GABRA4: variants seen among roughly 807,000 people sequenced by gnomAD.
GABRA4 encodes gamma-aminobutyric acid type A receptor subunit alpha4.
A neutral mutation model predicts 49.7 loss-of-function variants in GABRA4; 12 were observed. The ratio of observed to expected loss-of-function variants is 0.24; its 90% CI spans 0.15 to 0.39. The LOEUF is 0.39. Among genes scored for constraint, GABRA4 ranks in the 10% least tolerant of loss-of-function variants. GABRA4 has a pLI of 1.00. For missense variants in GABRA4, 506 were observed against 686.0 expected (o/e 0.74, Z 2.93); for synonymous variants, 288 against 240.2 (o/e 1.20, Z -1.84).
At chr4:46,959,469 T>C (rs181155098) in intron 8 of GABRA4, among the ~76,000 whole-genome samples, 2 of 152,062 alleles carry the variant, frequency 1.3e-5, no homozygotes, top group Non-Finnish European at 2.9e-5. Flanking sequence ...ACAACCAAAT[T>C]TGATCTTCTT....
At chr4:46,941,646 T>G (rs1225660928) in intron 8 of GABRA4, among the ~76,000 whole-genome samples, 1 of 152,156 alleles carries the variant, frequency 6.6e-6, no homozygotes, top group Admixed American at 6.6e-5. Flanking sequence ...CCGAACTAAA[T>G]GATAATAGTG....
intron 8 of GABRA4, among the ~76,000 whole-genome samples, chr4:46,940,745 CA>C (rs1304412699): frequency 6.6e-6 from 1 of 151,716 alleles, no homozygotes; most frequent in African/African-American, 2.4e-5. Flanking sequence ...CAACACCCCC[CA>C]AAAAATTGCT....
chr4:46,954,723 G>A (rs140764751), intron 8 of GABRA4, among the ~76,000 whole-genome samples: 77 of 152,232 alleles, frequency 5.1e-4, no homozygotes, highest in African/African-American at 1.7e-3. Context: ...TAGGTTGTGT[G>A]ATTAAAGCTA....
rs1721191079 is a variant in GABRA4 at position 46,925,543 on chromosome 4, TG to T, written c.*2681del. The T allele has an allele frequency of 6.6e-6, 1 of 151,636 alleles. No individual in the cohort carries two copies. The highest frequency in any genetic ancestry group is 1.5e-5 in the Non-Finnish European group (1 of 67,778). The allele number at this position is 151,636 out of a possible 1,614,324, so 9.4% of individuals were successfully genotyped here. ...TATTATTCATAGATAACCAGAACTT[TG>T]GGTGCCCCTAATCATTCTTCTGAGA... On this transcript the variant is annotated 3_prime_UTR_variant, in exon 9 of 9. Transcript: ENST00000264318.
intron 8 of GABRA4, among the ~76,000 whole-genome samples, chr4:46,964,289 G>C (rs142873028): frequency 1.5e-3 from 224 of 151,848 alleles, no homozygotes; most frequent in African/African-American, 5.0e-3. Context: ...TTTGGTGGAG[G>C]GAAGATGGGG....
At chr4:46,968,118 A>C (rs568851203) in intron 7 of GABRA4, among the ~76,000 whole-genome samples, 1 of 151,702 alleles carries the variant, frequency 6.6e-6, no homozygotes, top group South Asian at 2.1e-4. Context: ...GGGAAATAAG[A>C]GTTAGGAAAG....
chr4:46,974,177 AAAC>A, intron 6 of GABRA4, 52 bp downstream of exon 6: 1 of 1,528,782 alleles, frequency 6.5e-7, no homozygotes, highest in Non-Finnish European at 8.8e-7. Flanking sequence ...AGTCAGGAGA[AAAC>A]TTTATTGCTA....
At chr4:46,979,150 G>A (rs1338381257) in intron 2 of GABRA4, 52 bp from the exon 3 acceptor site, 2 of 1,128,696 alleles carry the variant, frequency 1.8e-6, no homozygotes, top group Non-Finnish European at 2.7e-6. Context: ...AATTTTACAG[G>A]CTGGGAAGGT....
intron 8 of GABRA4, among the ~76,000 whole-genome samples, chr4:46,964,492 A>G (rs1722683322): frequency 6.6e-6 from 1 of 151,868 alleles, no homozygotes; most frequent in African/African-American, 2.4e-5. Flanking sequence ...CTTATTTCAC[A>G]TTGCATGCCT....
chr4:46,986,348 G>A (rs1478520521), intron 2 of GABRA4, among the ~76,000 whole-genome samples: 2 of 152,066 alleles, frequency 1.3e-5, no homozygotes, highest in East Asian at 1.9e-4. Context: ...CAAAACAGTG[G>A]TCAATTTTAA....
At chr4:46,932,621 A>G (rs555023757) in intron 8 of GABRA4, among the ~76,000 whole-genome samples, 3 of 152,278 alleles carry the variant, frequency 2.0e-5, no homozygotes, top group East Asian at 3.9e-4. Context: ...TTGCCATTTA[A>G]TATTTTATTA....
At chr4:46,954,961 C>G (rs1026781543) in intron 8 of GABRA4, among the ~76,000 whole-genome samples, 1 of 152,070 alleles carries the variant, frequency 6.6e-6, no homozygotes, top group East Asian at 1.9e-4. Context: ...AACATAACAA[C>G]AGATGGCAGA....
At chr4:46,982,857 C>T (rs1029167004) in intron 2 of GABRA4, among the ~76,000 whole-genome samples, 1 of 152,076 alleles carries the variant, frequency 6.6e-6, no homozygotes, top group Non-Finnish European at 1.5e-5. Flanking sequence ...TTGGTGATAA[C>T]AGCTTGGACT....
intron 2 of GABRA4, among the ~76,000 whole-genome samples, chr4:46,983,636 G>C (rs1723434116): frequency 1.3e-5 from 2 of 152,030 alleles, no homozygotes. Context: ...ATAGGCTTCT[G>C]ATAAATCAGT....
chr4:46,984,369 C>T (rs1324210655), intron 2 of GABRA4, among the ~76,000 whole-genome samples: 1 of 152,022 alleles, frequency 6.6e-6, no homozygotes, highest in Non-Finnish European at 1.5e-5. Flanking sequence ...AATCTCTTTG[C>T]TTGTCATTTA....
chr4:46,928,978 T>C (rs949939776), intron 8 of GABRA4, among the ~76,000 whole-genome samples: 2 of 152,030 alleles, frequency 1.3e-5, no homozygotes, highest in Non-Finnish European at 2.9e-5. Flanking sequence ...CAAAATATGG[T>C]ACATTCTTAT....
At chr4:46,953,015 G>C (rs1722226209) in intron 8 of GABRA4, among the ~76,000 whole-genome samples, 1 of 152,066 alleles carries the variant, frequency 6.6e-6, no homozygotes, top group African/African-American at 2.4e-5. Flanking sequence ...CTGGCTATGT[G>C]TTAGGAAATA....
chr4:46,975,828 C>T (rs1437618398), intron 5 of GABRA4, among the ~76,000 whole-genome samples: 2 of 151,940 alleles, frequency 1.3e-5, no homozygotes, highest in African/African-American at 2.4e-5. Context: ...AATGAGATCA[C>T]CCTGTCTATG....
chr4:46,970,167 G>T (rs577263236), intron 7 of GABRA4, among the ~76,000 whole-genome samples: 1 of 151,264 alleles, frequency 6.6e-6, no homozygotes, highest in African/African-American at 2.4e-5. Flanking sequence ...AAAAGTTCCC[G>T]TTCTATTTAG....
Sources: allele counts gnomAD v4.1 joint callset (sites outside exome capture counted in the v4.1 genomes callset), GRCh38; gene constraint gnomAD v4.1.1; transcripts MANE v1.5; gene names NCBI Gene and HGNC (gene_info 2026-07-23, HGNC 2026-07-21).